The following TRDN variants were observed in gnomAD, a reference collection of about 807,000 sequenced individuals.
TRDN encodes the protein triadin, also known as triadin in skeletal muscle.
In TRDN, 161 loss-of-function variants were observed where a neutral mutation model predicts 149.7. The observed-to-expected ratio is 1.08, with a 90% confidence interval of 0.95 to 1.23. TRDN has a LOEUF of 1.23. TRDN is among the 50% of genes most tolerant of loss of function. The probability of loss-of-function intolerance (pLI) is 0.00; values close to 1 mark genes in which losing one functional copy is unlikely to be tolerated. For missense variants in TRDN, 896 were observed against 823.5 expected (o/e 1.09, Z -1.08); for synonymous variants, 294 against 250.5 (o/e 1.17, Z -1.64).
intron 12 of TRDN, among the ~76,000 whole-genome samples, chr6:123,424,324 CA>C (rs1462958928): frequency 6.6e-6 from 1 of 152,100 alleles, no homozygotes; most frequent in African/African-American, 2.4e-5. Context: ...TCCACAATGA[CA>C]TTCACACATC....
At chr6:123,521,205 G>A (rs573215825) in intron 5 of TRDN, among the ~76,000 whole-genome samples, 6 of 151,992 alleles carry the variant, frequency 3.9e-5, no homozygotes, top group Non-Finnish European at 5.9e-5. Flanking sequence ...ATATTGTTAT[G>A]GGTTGAATTG....
chr6:123,365,309 T>G (rs915127507), intron 20 of TRDN, among the ~76,000 whole-genome samples: 2 of 151,868 alleles, frequency 1.3e-5, no homozygotes, highest in Non-Finnish European at 2.9e-5. Flanking sequence ...ATAAATTAAT[T>G]TATAGAGTAG....
chr6:123,484,424 C>G (rs1229397627), intron 9 of TRDN, among the ~76,000 whole-genome samples: 1 of 152,148 alleles, frequency 6.6e-6, no homozygotes, highest in Non-Finnish European at 1.5e-5. Context: ...TCAATCTTCA[C>G]TTGTGCATAT....
chr6:123,523,759 G>A (rs1265415186), intron 5 of TRDN, among the ~76,000 whole-genome samples: 1 of 152,106 alleles, frequency 6.6e-6, no homozygotes, highest in Non-Finnish European at 1.5e-5. Context: ...AAGAGAACAA[G>A]AAGTCTATGG....
At chr6:123,336,185 A>G (rs1464862694) in intron 22 of TRDN, among the ~76,000 whole-genome samples, 2 of 151,964 alleles carry the variant, frequency 1.3e-5, no homozygotes, top group Non-Finnish European at 2.9e-5. Context: ...CAAATATAAG[A>G]CCCCTATTCT....
intron 1 of TRDN, among the ~76,000 whole-genome samples, chr6:123,622,715 T>C (rs1239636240): frequency 6.6e-6 from 1 of 152,182 alleles, no homozygotes; most frequent in Non-Finnish European, 1.5e-5. Flanking sequence ...TACACTTGTA[T>C]ATAGAGTTCT....
At position 123,338,394 on chromosome 6, in the gene TRDN, G is replaced by A. The variant is rs142817191; in HGVS notation, c.1370-725C>T. Among the ~76,000 whole-genome samples, 827 of 152,158 alleles carry A rather than the reference G, an allele frequency of 5.4e-3. 4 individuals carry two copies. Among genetic ancestry groups the A allele is most frequent in the Middle Eastern group, 0.014 (4 of 294 alleles). ...GGTGATGCTGTGTGACTTCCAAGGCGAAATCAAAAAAGGTCATGCAGTATT... is the reference window on the plus strand; with the variant it reads ...GGTGATGCTGTGTGACTTCCAAGGCAAAATCAAAAAAGGTCATGCAGTATT... On this transcript the variant is annotated intron_variant, in intron 21 of 40. Coordinates refer to ENST00000334268, the MANE Select transcript of TRDN (RefSeq NM_006073.4).
chr6:123,587,198 G>A (rs549608082), intron 1 of TRDN, among the ~76,000 whole-genome samples: 3 of 152,276 alleles, frequency 2.0e-5, no homozygotes, highest in African/African-American at 7.2e-5. Flanking sequence ...GCGTCCCTGC[G>A]TGGTCTGACA....
intron 1 of TRDN, among the ~76,000 whole-genome samples, chr6:123,579,499 T>C (rs1445979613): frequency 6.6e-6 from 1 of 152,202 alleles, no homozygotes; most frequent in Admixed American, 6.5e-5. Context: ...GACTACTTGA[T>C]AGTGATCGAT....
intron 12 of TRDN, among the ~76,000 whole-genome samples, chr6:123,420,755 C>CA (rs1773862694): frequency 6.6e-6 from 1 of 152,098 alleles, no homozygotes; most frequent in Non-Finnish European, 1.5e-5. Flanking sequence ...GCTAGATACT[C>CA]AGTGTCGAAA....
intron 1 of TRDN, among the ~76,000 whole-genome samples, chr6:123,631,127 T>C (rs984809949): frequency 5.2e-4 from 79 of 151,952 alleles, no homozygotes; most frequent in African/African-American, 1.8e-3. Context: ...TTTTTTTTTT[T>C]TTTCTATTTT....
Position 123,543,769 on chromosome 6 carries a change from CTA to C in TRDN, c.424+3569_424+3570del, listed in dbSNP as rs1780971469. Among the ~76,000 whole-genome samples the C allele has an allele frequency of 5.3e-5, 8 of 152,144 alleles. No homozygotes were observed. The South Asian group carries it at 1.7e-3, about 32-fold the overall frequency. ...AAACTGAGTTGATGGACTCCAAACACTATAATATTTTTAGATGTCATTATCAA... is the reference window on the plus strand; with the variant it reads ...AAACTGAGTTGATGGACTCCAAACACTAATATTTTTAGATGTCATTATCAA... On this transcript the variant is annotated intron_variant, in intron 4 of 40. Coordinates refer to ENST00000334268, the MANE Select transcript of TRDN (RefSeq NM_006073.4).
At chr6:123,609,371 A>AATATATAATT (rs1784680794) in intron 1 of TRDN, among the ~76,000 whole-genome samples, 1 of 152,160 alleles carries the variant, frequency 6.6e-6, no homozygotes, top group Admixed American at 6.5e-5. Context: ...TTTTTGTAAA[A>AATATATAATT]ATATATAATT....
chr6:123,523,580 C>A (rs903416633), intron 5 of TRDN, among the ~76,000 whole-genome samples: 3 of 152,062 alleles, frequency 2.0e-5, no homozygotes, highest in Non-Finnish European at 2.9e-5. Context: ...GCTGGGAAAT[C>A]AGTTAAGAAG....
In TRDN at chr6:123,456,708, A is replaced by T. The variant is rs183936474; in HGVS notation, c.931+8198T>A. 5.4e-4 allele frequency: 233 copies of T among 434,982 alleles called. 1 individual carries two copies. Among genetic ancestry groups the T allele is most frequent in the African/African-American group, 4.4e-3 (218 of 49,446 alleles). The allele number at this position is 434,982 out of a possible 1,614,324, so 26.9% of individuals were successfully genotyped here. On this transcript the variant is annotated intron_variant, in intron 10 of 40. Transcript: ENST00000334268. ...GGTCTCTAACTCCTGAGCTGAAGCG[A>T]TCCACCCACCTTGGCCTCCCAAAGT...
intron 21 of TRDN, chr6:123,351,181 A>T: frequency 1.0e-6 from 1 of 984,166 alleles, no homozygotes; most frequent in Non-Finnish European, 1.2e-6. Context: ...TTGATAATTT[A>T]TGTCATCTGT....
At chr6:123,225,535 TACACACAC>T (rs568194271) in intron 38 of TRDN, among the ~76,000 whole-genome samples, 37,694 of 149,648 alleles carry the variant, frequency 0.25, 5,590 homozygotes, top group Non-Finnish European at 0.34. Flanking sequence ...CACACACACA[TACACACAC>T]ATACACACAC....
chr6:123,405,364 T>G (rs569168882), intron 12 of TRDN, among the ~76,000 whole-genome samples: 2 of 152,346 alleles, frequency 1.3e-5, no homozygotes, highest in East Asian at 3.9e-4. Flanking sequence ...GCTACTAGGC[T>G]TTCCAGTTAG....
chr6:123,421,160 T>C (rs887391876), intron 12 of TRDN, among the ~76,000 whole-genome samples: 1 of 152,216 alleles, frequency 6.6e-6, no homozygotes, highest in African/African-American at 2.4e-5. Flanking sequence ...AGTTGCTATA[T>C]ACTGGGTGAA....
Sources: allele counts gnomAD v4.1 joint callset (sites outside exome capture counted in the v4.1 genomes callset), GRCh38; gene constraint gnomAD v4.1.1; transcripts MANE v1.5; gene names NCBI Gene and HGNC (gene_info 2026-07-23, HGNC 2026-07-21).